The following TINAG variants were observed in gnomAD, a reference collection of about 807,000 sequenced individuals.
TINAG encodes the protein tubulointerstitial nephritis antigen.
A neutral mutation model predicts 72.7 loss-of-function variants in TINAG; 83 were observed. The observed-to-expected ratio is 1.14, with a 90% CI of 0.96 to 1.37. The LOEUF (loss-of-function observed/expected upper bound fraction) is 1.37, where lower values mean the gene tolerates loss of function less well. TINAG is among the 40% of genes most tolerant of loss of function. The probability of loss-of-function intolerance (pLI) is 0.00; values close to 1 mark genes in which losing one functional copy is unlikely to be tolerated. For synonymous variants in TINAG, 234 were observed against 189.9 expected (o/e 1.23, Z -1.91); for missense variants, 685 against 576.6 (o/e 1.19, Z -1.93).
intron 4 of TINAG, among the ~76,000 whole-genome samples, chr6:54,332,266 A>G (rs1784759273): frequency 6.6e-6 from 1 of 152,184 alleles, no homozygotes; most frequent in Admixed American, 6.6e-5. Context: ...GTACTAAAAC[A>G]TATATACAGA....
In TINAG at chr6:54,364,329, C is replaced by G. The variant is rs759676766; in HGVS notation, c.1250+9693C>G. On this transcript the variant is annotated intron_variant, in intron 9 of 10. Transcript: ENST00000259782. ...AATGGGTGCAATAAAAAGTCAGAAA[C>G]GAAAAAAGGGTTTAGGATATGCATA... is the stretch of plus-strand genomic sequence containing the variant. Among the ~76,000 whole-genome samples, 4 of 150,358 alleles carry G rather than the reference C, an allele frequency of 2.7e-5. No homozygotes were observed. In the South Asian group the frequency reaches 8.4e-4, roughly 31 times the overall value.
intron 1 of TINAG, among the ~76,000 whole-genome samples, chr6:54,319,076 T>C (rs189049141): frequency 2.0e-5 from 3 of 152,172 alleles, no homozygotes; most frequent in African/African-American, 7.2e-5. Flanking sequence ...AGTATTAAGG[T>C]CTTTTTCCTT....
chr6:54,359,969 G>C (rs77519769), intron 9 of TINAG, among the ~76,000 whole-genome samples: 1 of 151,658 alleles, frequency 6.6e-6, no homozygotes, highest in Non-Finnish European at 1.5e-5. Flanking sequence ...TGTTTGCTGC[G>C]CTTTTTGTAG....
At chr6:54,321,161 C>T in intron 2 of TINAG, 136 bp from the exon 3 acceptor site, 1 of 718,278 alleles carries the variant, frequency 1.4e-6, no homozygotes, top group Non-Finnish European at 2.4e-6. Context: ...TTATTTTTGC[C>T]AAGAATCAAA....
chr6:54,325,770 T>C (rs1784589153), intron 3 of TINAG, among the ~76,000 whole-genome samples: 1 of 152,198 alleles, frequency 6.6e-6, no homozygotes, highest in Non-Finnish European at 1.5e-5. Context: ...TTTTGAATTA[T>C]ACTACAATAT....
chr6:54,387,603 T>C (rs1764132484), intron 10 of TINAG, among the ~76,000 whole-genome samples: 1 of 152,166 alleles, frequency 6.6e-6, no homozygotes, highest in East Asian at 1.9e-4. Context: ...AAGTGGTTAA[T>C]AGCTTAATCT....
At chr6:54,309,366 G>C (rs1160906387) in intron 1 of TINAG, among the ~76,000 whole-genome samples, 2 of 152,130 alleles carry the variant, frequency 1.3e-5, no homozygotes, top group African/African-American at 2.4e-5. Flanking sequence ...AGAAACTGTG[G>C]TATTAGTAAT....
chr6:54,316,123 T>C (rs1784367883), intron 1 of TINAG, among the ~76,000 whole-genome samples: 1 of 152,176 alleles, frequency 6.6e-6, no homozygotes, highest in Admixed American at 6.6e-5. Flanking sequence ...TGTGATAATA[T>C]TACAGAGGTA....
At chr6:54,328,992 C>T (rs1784673965) in intron 4 of TINAG, among the ~76,000 whole-genome samples, 1 of 151,880 alleles carries the variant, frequency 6.6e-6, no homozygotes, top group Non-Finnish European at 1.5e-5. Context: ...CCAAACCCAC[C>T]TTTGGTTGGT....
At chr6:54,372,432 G>C (rs1562180982) in intron 9 of TINAG, among the ~76,000 whole-genome samples, 1 of 151,992 alleles carries the variant, frequency 6.6e-6, no homozygotes, top group Non-Finnish European at 1.5e-5. Context: ...GAATACCTCT[G>C]TCATAGGTGT....
intron 3 of TINAG, 97 bp from the exon 4 acceptor site, chr6:54,326,705 A>G: frequency 1.2e-6 from 1 of 816,006 alleles, no homozygotes; most frequent in Non-Finnish European, 1.8e-6. Context: ...ATTTGCTGCT[A>G]TTAAATTTCA....
At chr6:54,373,621 A>G (rs1763694781) in intron 9 of TINAG, among the ~76,000 whole-genome samples, 1 of 152,084 alleles carries the variant, frequency 6.6e-6, no homozygotes, top group Non-Finnish European at 1.5e-5. Flanking sequence ...TTTGTGGGCC[A>G]TGGGGTCTTG....
At chr6:54,350,226 T>C (rs1785232247) in intron 7 of TINAG, among the ~76,000 whole-genome samples, 1 of 151,006 alleles carries the variant, frequency 6.6e-6, no homozygotes. Flanking sequence ...GACTTTTTTG[T>C]GGTATTAGCT....
chr6:54,320,583 C>T lies in TINAG; in HGVS notation c.360C>T (p.Cys120=). 6.3e-7 allele frequency: 1 copy of T among 1,597,316 alleles called. No homozygotes were observed. Among genetic ancestry groups the T allele is most frequent in the Non-Finnish European group, 8.5e-7 (1 of 1,171,138 alleles). Residue 120 remains cysteine, a synonymous_variant, in exon 2 of 11, where the codon TGC becomes TGT. Transcript: ENST00000259782. ...PHTQPWYPEG[C]FKDGQHYEEG... is the part of the protein sequence containing the mutation. Reference sequence around the variant, plus strand: ...CTTTACATGTTACTTTGACAGGTTGCTTCAAAGATGGTCAACATTATGAAG... The same window carrying T: ...CTTTACATGTTACTTTGACAGGTTGTTTCAAAGATGGTCAACATTATGAAG...
intron 1 of TINAG, among the ~76,000 whole-genome samples, chr6:54,314,105 C>A (rs1040863556): frequency 6.6e-6 from 1 of 152,098 alleles, no homozygotes. Flanking sequence ...GAGTATCACC[C>A]AGGAAAGTTG....
intron 9 of TINAG, among the ~76,000 whole-genome samples, chr6:54,372,721 T>C: frequency 8.7e-6 from 1 of 114,398 alleles, no homozygotes; most frequent in South Asian, 2.9e-4. Flanking sequence ...ATTATATAAA[T>C]ACATACATAT....
chr6:54,376,382 A>T (rs1288039279), intron 9 of TINAG, among the ~76,000 whole-genome samples: 1 of 152,162 alleles, frequency 6.6e-6, no homozygotes, highest in Non-Finnish European at 1.5e-5. Context: ...GGTGTAGTAT[A>T]CAAGAGAGAT....
At chr6:54,331,485 A>T (rs1180426483) in intron 4 of TINAG, among the ~76,000 whole-genome samples, 1 of 152,170 alleles carries the variant, frequency 6.6e-6, no homozygotes, top group Non-Finnish European at 1.5e-5. Context: ...TCTATGACAA[A>T]CCCACAGCCA....
chr6:54,345,070 G>A (rs758460289), intron 5 of TINAG, among the ~76,000 whole-genome samples: 1 of 152,070 alleles, frequency 6.6e-6, no homozygotes, highest in Non-Finnish European at 1.5e-5. Context: ...AGAGATAAAG[G>A]TGTTTGGAGT....
Sources: allele counts gnomAD v4.1 joint callset (sites outside exome capture counted in the v4.1 genomes callset), GRCh38; gene constraint gnomAD v4.1.1; transcripts MANE v1.5; gene names NCBI Gene and HGNC (gene_info 2026-07-23, HGNC 2026-07-21).